BEST3: variants seen among roughly 807,000 people sequenced by gnomAD.
BEST3 encodes the protein bestrophin 3.
BEST3 carries 50 observed loss-of-function variants against 47.1 expected under a neutral mutation model. The observed-to-expected ratio is 1.06, with a 90% confidence interval of 0.85 to 1.34. BEST3 has a LOEUF of 1.34. Among genes scored for constraint, BEST3 ranks in the 40% most tolerant of loss-of-function variants. The probability of loss-of-function intolerance (pLI) is 0.00; values close to 1 mark genes in which losing one functional copy is unlikely to be tolerated. For missense variants in BEST3, 765 were observed against 817.0 expected (o/e 0.94, Z 0.78); for synonymous variants, 282 against 298.8 (o/e 0.94, Z 0.58).
chr12:69,672,231 AACTT>A (rs1302281296), intron 8 of BEST3, among the ~76,000 whole-genome samples: 2 of 152,210 alleles, frequency 1.3e-5, no homozygotes, highest in African/African-American at 4.8e-5. Flanking sequence ...GAGATGTTTG[AACTT>A]ACTTAACTGC....
At chr12:69,678,940 A>T in intron 4 of BEST3, 47 bp from the exon 5 acceptor site, 1 of 1,446,548 alleles carries the variant, frequency 6.9e-7, no homozygotes. Context: ...TTAGTTTGAC[A>T]CTAATACGTT....
chr12:69,695,514 G>A (rs189822225), intron 2 of BEST3, among the ~76,000 whole-genome samples: 1 of 152,302 alleles, frequency 6.6e-6, no homozygotes, highest in African/African-American at 2.4e-5. Flanking sequence ...ACTGAAGTCA[G>A]GGAAAGCTGA....
Position 69,686,510 on chromosome 12 carries a change from C to T in BEST3, c.481+7164G>A, listed in dbSNP as rs1163871291. On this transcript the variant is annotated intron_variant, in intron 4 of 9. Coordinates refer to ENST00000330891, the MANE Select transcript of BEST3 (RefSeq NM_032735.3). ...AATATGCTGGCTGGGCTCGGTGGCT[C>T]ACGCCTGTAATCCCAGTAATTTGAG... is the stretch of plus-strand genomic sequence containing the variant. Among the ~76,000 whole-genome samples, 5 of 152,110 alleles carry T rather than the reference C, an allele frequency of 3.3e-5. No homozygotes were observed. In the East Asian group the frequency reaches 9.7e-4, roughly 29 times the overall value.
chr12:69,660,428 TAGCCATTTAATGATA>T (rs777207774), intron 9 of BEST3: 7 of 152,126 alleles, frequency 4.6e-5, no homozygotes, highest in Admixed American at 4.6e-4. Flanking sequence ...AGGGATGACT[TAGCCATTTAATGATA>T]AGCCATTTAA....
At chr12:69,658,874 G>A (rs7980708) in intron 9 of BEST3, among the ~76,000 whole-genome samples, 46,682 of 152,132 alleles carry the variant, frequency 0.31, 8,100 homozygotes, top group South Asian at 0.54. Flanking sequence ...ATGAAGAGTC[G>A]TATACCAGGT....
chr12:69,654,771 A>G lies in BEST3; in HGVS notation c.*136T>C, dbSNP rs1883349953. On this transcript the variant is annotated 3_prime_UTR_variant, in exon 10 of 10. Coordinates refer to ENST00000330891, the MANE Select transcript of BEST3 (RefSeq NM_032735.3). ...AAGTCAGGATCATAATGCCCTTCAAAGTTCTAAGTAGCTTATACAGTGTGA... is the reference window on the plus strand; with the variant it reads ...AAGTCAGGATCATAATGCCCTTCAAGGTTCTAAGTAGCTTATACAGTGTGA... The G allele has an allele frequency of 7.2e-7, 1 of 1,384,788 alleles. No homozygotes were observed. Among genetic ancestry groups the G allele is most frequent in the Non-Finnish European group, 9.4e-7 (1 of 1,066,426 alleles). The allele number at this position is 1,384,788 out of a possible 1,614,324, so 85.8% of individuals were successfully genotyped here. A position where few individuals can be genotyped will look rare whatever the true frequency, so the allele number is the denominator to read the frequency against.
At chr12:69,682,571 A>AT (rs112036116) in intron 4 of BEST3, among the ~76,000 whole-genome samples, 95,794 of 150,104 alleles carry the variant, frequency 0.64, 30,727 homozygotes, top group East Asian at 0.72. Context: ...AGCATGATTA[A>AT]ATTTTTTTTT....
intron 4 of BEST3, among the ~76,000 whole-genome samples, 162 bp from the exon 5 acceptor site, chr12:69,679,055 G>C (rs578177498): frequency 2.0e-5 from 3 of 152,156 alleles, no homozygotes; most frequent in African/African-American, 7.2e-5. Flanking sequence ...TAGAGTTAAG[G>C]AATGTGTGTG....
downstream of BEST3, among the ~76,000 whole-genome samples, chr12:69,649,502 A>G (rs553729016): frequency 9.8e-5 from 15 of 152,390 alleles, no homozygotes; most frequent in African/African-American, 3.6e-4. Context: ...TACATAGAAT[A>G]GGAATTTAGC....
At chr12:69,693,032 G>T (rs1040887381) in intron 4 of BEST3, among the ~76,000 whole-genome samples, 1 of 151,984 alleles carries the variant, frequency 6.6e-6, no homozygotes, top group Non-Finnish European at 1.5e-5. Context: ...CAAACAGCTC[G>T]CCCAGCCAGA....
intron 9 of BEST3, 128 bp downstream of exon 9, chr12:69,671,300 G>C (rs1884553740): frequency 1.1e-6 from 1 of 943,676 alleles, no homozygotes; most frequent in Non-Finnish European, 1.5e-6. Flanking sequence ...CAAGTAGCTA[G>C]GACTACAGGT....
At chr12:69,682,968 C>T (rs899902646) in intron 4 of BEST3, among the ~76,000 whole-genome samples, 1 of 152,182 alleles carries the variant, frequency 6.6e-6, no homozygotes, top group Non-Finnish European at 1.5e-5. Flanking sequence ...TCACATATTC[C>T]ATATCAATTG....
intron 7 of BEST3, among the ~76,000 whole-genome samples, chr12:69,676,289 A>G (rs1009467740): frequency 2.6e-5 from 4 of 152,140 alleles, no homozygotes; most frequent in Admixed American, 1.3e-4. Context: ...GCGGTGGCTC[A>G]CGCCTGTAAT....
chr12:69,658,548 T>A (rs537322916), intron 9 of BEST3, among the ~76,000 whole-genome samples: 2 of 152,270 alleles, frequency 1.3e-5, no homozygotes, highest in African/African-American at 4.8e-5. Context: ...TTCACCCGAC[T>A]AAATTTATTG....
chr12:69,693,031 C>A (rs573499913), intron 4 of BEST3, among the ~76,000 whole-genome samples: 1 of 151,986 alleles, frequency 6.6e-6, no homozygotes, highest in Non-Finnish European at 1.5e-5. Flanking sequence ...CCAAACAGCT[C>A]GCCCAGCCAG....
chr12:69,663,863 A>G (rs1884018905), intron 9 of BEST3, among the ~76,000 whole-genome samples: 1 of 152,144 alleles, frequency 6.6e-6, no homozygotes, highest in East Asian at 1.9e-4. Context: ...GCAAGAACAA[A>G]ACTCCAGCAG....
chr12:69,680,558 C>T (rs538667596), intron 4 of BEST3, among the ~76,000 whole-genome samples: 5 of 152,138 alleles, frequency 3.3e-5, no homozygotes, highest in Admixed American at 1.3e-4. Flanking sequence ...CCGCCCTCCT[C>T]GGCCTCCCAA....
intron 4 of BEST3, among the ~76,000 whole-genome samples, chr12:69,684,926 A>T (rs1885476016): frequency 6.6e-6 from 1 of 152,132 alleles, no homozygotes. Flanking sequence ...CCATAGTAAG[A>T]TATATGTTGT....
chr12:69,645,301 G>T (rs1168619452), intron 9 of BEST3, among the ~76,000 whole-genome samples: 2 of 152,076 alleles, frequency 1.3e-5, no homozygotes, highest in Non-Finnish European at 1.5e-5. Context: ...TCCCAGGAAC[G>T]CTAAGTTTTT....
Sources: gnomAD v4.1 joint callset for allele counts (sites outside exome capture counted in the v4.1 genomes callset) on GRCh38, gnomAD v4.1.1 for gene constraint, MANE v1.5 for transcripts, NCBI Gene and HGNC (gene_info 2026-07-23, HGNC 2026-07-21) for gene names.